The following HEATR1 variants were observed in gnomAD, a reference collection of about 807,000 sequenced individuals.
HEATR1 encodes the protein HEAT repeat-containing protein 1.
Under a neutral mutation model 248.2 loss-of-function variants are expected in HEATR1, and 77 were observed. The observed-to-expected ratio is 0.31, with a 90% CI of 0.26 to 0.37. The LOEUF (loss-of-function observed/expected upper bound fraction) is 0.37. Ranked by LOEUF, HEATR1 falls within the 10% of genes least tolerant of loss-of-function variation. HEATR1 has a pLI of 1.00. For synonymous variants in HEATR1, 897 were observed against 923.1 expected (o/e 0.97, Z 0.51); for missense variants, 2,420 against 2,504.9 (o/e 0.97, Z 0.72).
chr1:236,585,980 C>T, intron 15 of HEATR1, 39 bp from the exon 16 acceptor site: 1 of 1,607,828 alleles, frequency 6.2e-7, no homozygotes, highest in Non-Finnish European at 8.5e-7. Flanking sequence ...TCTTATGTCA[C>T]CAACACTCAA....
intron 31 of HEATR1, among the ~76,000 whole-genome samples, chr1:236,565,311 C>A (rs578059950): frequency 9.7e-4 from 147 of 152,308 alleles, no homozygotes; most frequent in Admixed American, 3.3e-3. Context: ...AACACGTCAA[C>A]CCTTTCTTAA....
At chr1:236,568,904 AAAAAAACT>A in intron 29 of HEATR1, 84 bp downstream of exon 29, 2 of 941,368 alleles carry the variant, frequency 2.1e-6, no homozygotes, top group South Asian at 3.4e-5. Context: ...AAAACAAAAA[AAAAAAACT>A]AAAAAAAAGG....
At chr1:236,573,567 T>A (rs1415664443) in intron 24 of HEATR1, among the ~76,000 whole-genome samples, 1 of 152,056 alleles carries the variant, frequency 6.6e-6, no homozygotes, top group Non-Finnish European at 1.5e-5. Flanking sequence ...GGCATTGTAG[T>A]CATATCCACT....
chr1:236,570,790 A>T (rs1663406647), intron 28 of HEATR1, among the ~76,000 whole-genome samples: 1 of 152,188 alleles, frequency 6.6e-6, no homozygotes, highest in South Asian at 2.1e-4. Flanking sequence ...ATATGATTTC[A>T]GTAGATTAAG....
At chr1:236,597,202 T>C in intron 5 of HEATR1, among the ~76,000 whole-genome samples, 1 of 151,312 alleles carries the variant, frequency 6.6e-6, no homozygotes, top group East Asian at 1.9e-4. Flanking sequence ...GAATACACAA[T>C]GTGACAACAA....
At chr1:236,569,822 C>T (rs1663375557) in intron 28 of HEATR1, among the ~76,000 whole-genome samples, 1 of 152,128 alleles carries the variant, frequency 6.6e-6, no homozygotes, top group Non-Finnish European at 1.5e-5. Flanking sequence ...CACACAAAAC[C>T]ATGTCTACAA....
chr1:236,558,134 T>G, intron 36 of HEATR1, 103 bp downstream of exon 36: 1 of 1,247,806 alleles, frequency 8.0e-7, no homozygotes, highest in Non-Finnish European at 1.1e-6. Flanking sequence ...TCCAATTTTA[T>G]GCAACGTCTA....
intron 5 of HEATR1, 41 bp downstream of exon 5, chr1:236,597,837 T>A: frequency 7.8e-7 from 1 of 1,282,112 alleles, no homozygotes; most frequent in South Asian, 1.3e-5. Flanking sequence ...AAGCAAGCAA[T>A]CTTTTCATAA....
chr1:236,579,252 T>C (rs1165414628), intron 20 of HEATR1, among the ~76,000 whole-genome samples: 1 of 152,114 alleles, frequency 6.6e-6, no homozygotes, highest in East Asian at 1.9e-4. Context: ...AAAAAGACCC[T>C]CCCAGCCCCC....
At chr1:236,575,468 A>C (rs184771703) in intron 22 of HEATR1, among the ~76,000 whole-genome samples, 1 of 152,336 alleles carries the variant, frequency 6.6e-6, no homozygotes, top group African/African-American at 2.4e-5. Context: ...TGCAACAGAG[A>C]CTGTGTGGCC....
At chr1:236,601,439 T>TA (rs1664322177) in intron 3 of HEATR1, among the ~76,000 whole-genome samples, 1 of 152,026 alleles carries the variant, frequency 6.6e-6, no homozygotes, top group Non-Finnish European at 1.5e-5. Flanking sequence ...CACAGACAGG[T>TA]TTTACCATGC....
intron 17 of HEATR1, 54 bp downstream of exon 17, chr1:236,584,971 C>A: frequency 6.8e-7 from 1 of 1,479,580 alleles, no homozygotes. Flanking sequence ...GACTAATAGG[C>A]CAGGCTGTTG....
chr1:236,553,517 T>TG, intron 43 of HEATR1, 64 bp downstream of exon 43: 2 of 1,523,232 alleles, frequency 1.3e-6, no homozygotes, highest in Admixed American at 3.8e-5. Context: ...TGTGACCACC[T>TG]GCAGGCTGTT....
intron 2 of HEATR1, 106 bp downstream of exon 2, chr1:236,603,848 A>C: frequency 8.2e-7 from 1 of 1,221,424 alleles, no homozygotes; most frequent in Non-Finnish European, 1.1e-6. Flanking sequence ...AGAAACTGCT[A>C]AGGAAGAGGA....
Position 236,599,610 on chromosome 1 carries a change from A to G in HEATR1, c.374T>C (p.Leu125Pro). 2 of 1,610,428 alleles carry G rather than the reference A, an allele frequency of 1.2e-6. No homozygotes were observed. The highest frequency in any genetic ancestry group is 1.7e-6 in the Non-Finnish European group (2 of 1,178,136). ...AGCAATGAGGCTATCTTGATTATAG[A>G]GATGTATATGGAACCTGGGGAAAAA... is the stretch of plus-strand genomic sequence containing the variant. ...EWLIHRFHIH[L>P]YNQDSLIACV... Residue 125 changes from leucine to proline, a missense_variant, in exon 4 of 45, where the codon CTC becomes CCC. Leu to Pro is a moderately conservative substitution (Grantham distance 98, BLOSUM62 -3). Coordinates refer to ENST00000366582, the MANE Select transcript of HEATR1 (RefSeq NM_018072.6).
rs1663872198 is a variant in HEATR1, at chr1:236,585,900, T to C, written c.1969A>G (p.Ile657Val). The change falls in exon 16 of 45, where the codon ATC becomes GTC. Residue 657 changes from isoleucine to valine, a missense_variant. By Grantham distance (29) the Ile-to-Val change is conservative (BLOSUM62 3). Coordinates refer to ENST00000366582, the MANE Select transcript of HEATR1 (RefSeq NM_018072.6). ...VIKSTKPGKLIGVANQKMIEL... is the reference protein window; with the variant it reads ...VIKSTKPGKLVGVANQKMIEL... ...ATCATCTTCTGATTTGCTACACCGA[T>C]TAGTTTTCCTGGCTTTGTGCTTTTA... The C allele has an allele frequency of 1.9e-6, 3 of 1,613,288 alleles. No homozygotes were observed. The highest frequency in any genetic ancestry group is 1.7e-6 in the Non-Finnish European group (2 of 1,179,532).
At chr1:236,558,191 T>C (rs778129431) in intron 36 of HEATR1, 46 bp downstream of exon 36, 3 of 1,532,028 alleles carry the variant, frequency 2.0e-6, no homozygotes, top group Non-Finnish European at 2.6e-6. Flanking sequence ...TTTTTCAATG[T>C]GTGCCAGGCG....
chr1:236,556,335 T>A (rs766980760), intron 37 of HEATR1, 77 bp from the exon 38 acceptor site: 106 of 1,441,554 alleles, frequency 7.4e-5, no homozygotes, highest in Middle Eastern at 1.8e-4. Context: ...AGAGGCTTCA[T>A]GATGAGGTAC....
intron 4 of HEATR1, among the ~76,000 whole-genome samples, chr1:236,598,888 T>C (rs1467758523): frequency 6.6e-6 from 1 of 152,216 alleles, no homozygotes; most frequent in Non-Finnish European, 1.5e-5. Context: ...AACAAAGTGC[T>C]AACGGTTAGT....
Sources: allele counts gnomAD v4.1 joint callset (sites outside exome capture counted in the v4.1 genomes callset), GRCh38; gene constraint gnomAD v4.1.1; transcripts MANE v1.5; gene names NCBI Gene and HGNC (gene_info 2026-07-23, HGNC 2026-07-21).